Variants in VPS41 observed in about 807,000 individuals in gnomAD.
VPS41 encodes the protein vacuolar protein sorting-associated protein 41 homolog.
In VPS41, 85 loss-of-function variants were observed where a neutral mutation model predicts 130.9. That is an observed-to-expected ratio of 0.65 (90% CI 0.55 to 0.78). The LOEUF (loss-of-function observed/expected upper bound fraction) is 0.78, where lower values mean the gene tolerates loss of function less well. Ranked by LOEUF, VPS41 falls within the 30% of genes least tolerant of loss-of-function variation. VPS41 has a pLI of 0.00. For missense variants in VPS41, 874 were observed against 1,018.7 expected (o/e 0.86, Z 1.93); for synonymous variants, 335 against 332.9 (o/e 1.01, Z -0.07).
chr7:38,853,282 G>A (rs1785898640), intron 4 of VPS41, among the ~76,000 whole-genome samples: 4 of 152,104 alleles, frequency 2.6e-5, no homozygotes, highest in Admixed American at 2.6e-4. Flanking sequence ...AGCTGGGCAT[G>A]GTGGCTGGCA....
At chr7:38,735,929 G>A (rs1214755439) in intron 25 of VPS41, among the ~76,000 whole-genome samples, 1 of 152,104 alleles carries the variant, frequency 6.6e-6, no homozygotes, top group Non-Finnish European at 1.5e-5. Flanking sequence ...GCAGGGGAGG[G>A]AAGGGAGTCA....
chr7:38,887,143 C>T (rs552365438), intron 2 of VPS41, among the ~76,000 whole-genome samples: 14 of 152,278 alleles, frequency 9.2e-5, no homozygotes, highest in South Asian at 2.1e-4. Context: ...CACAACTCCT[C>T]GCCAGCAAGG....
chr7:38,782,608 G>C (rs890262767), intron 10 of VPS41, among the ~76,000 whole-genome samples: 1 of 152,138 alleles, frequency 6.6e-6, no homozygotes, highest in South Asian at 2.1e-4. Flanking sequence ...TTCACATATT[G>C]CTGTTATACA....
intron 7 of VPS41, among the ~76,000 whole-genome samples, chr7:38,805,916 GTGCTCAAA>G (rs1166985523): frequency 3.3e-5 from 5 of 152,182 alleles, no homozygotes; most frequent in African/African-American, 1.2e-4. Context: ...GCAATAATTT[GTGCTCAAA>G]CTGACAGTAA....
chr7:38,744,563 T>C (rs1211259195), intron 23 of VPS41, among the ~76,000 whole-genome samples: 1 of 152,216 alleles, frequency 6.6e-6, no homozygotes, highest in East Asian at 1.9e-4. Flanking sequence ...ATGTCCCTAA[T>C]AAGTCCTCTA....
In VPS41 at chr7:38,793,264, C is replaced by T. The variant is rs577023736; in HGVS notation, c.717+2201G>A. On this transcript the variant is annotated intron_variant, in intron 9 of 28. Coordinates refer to ENST00000310301, the MANE Select transcript of VPS41 (RefSeq NM_014396.4). ...AACACTGCCTGGCACACTGCAGGCA[C>T]CTGGTAAACGTTTGTTGGGCAAATG... Among the ~76,000 whole-genome samples, 152 of 152,276 alleles carry T rather than the reference C, an allele frequency of 1.0e-3. 2 individuals carry two copies. The South Asian group carries it at 0.03, about 31-fold the overall frequency.
In VPS41 at chr7:38,725,781, A is replaced by G; in HGVS notation, c.*465T>C. The G allele has an allele frequency of 6.4e-6, 1 of 156,350 alleles. No individual in the cohort carries two copies. The highest frequency in any genetic ancestry group is 1.4e-5 in the Non-Finnish European group (1 of 70,772). The allele number at this position is 156,350 out of a possible 1,614,324, so 9.7% of individuals were successfully genotyped here. A position where few individuals can be genotyped will look rare whatever the true frequency, so the allele number is the denominator to read the frequency against. On this transcript the variant is annotated 3_prime_UTR_variant, in exon 29 of 29. Coordinates refer to ENST00000310301, the MANE Select transcript of VPS41 (RefSeq NM_014396.4). ...ATAACCATAGTTGATGACACAGAAAAAAGCCAAACCCAGAATGCAAGAATC... is the reference window on the plus strand; with the variant it reads ...ATAACCATAGTTGATGACACAGAAAGAAGCCAAACCCAGAATGCAAGAATC...
chr7:38,811,620 C>A (rs1490487787), intron 7 of VPS41, among the ~76,000 whole-genome samples: 1 of 149,362 alleles, frequency 6.7e-6, no homozygotes, highest in African/African-American at 2.5e-5. Flanking sequence ...CACACACACA[C>A]CCCTCCATAT....
chr7:38,855,425 T>C (rs1267015254), intron 4 of VPS41, among the ~76,000 whole-genome samples: 2 of 152,102 alleles, frequency 1.3e-5, no homozygotes, highest in Admixed American at 6.6e-5. Context: ...TGATTTATAT[T>C]AGAAATAAAT....
chr7:38,849,875 T>C (rs539624623), intron 4 of VPS41, among the ~76,000 whole-genome samples: 1 of 152,076 alleles, frequency 6.6e-6, no homozygotes, highest in Non-Finnish European at 1.5e-5. Context: ...GGTGGAGCCC[T>C]AGCCAGAGAC....
At chr7:38,820,943 G>A (rs571536594) in intron 6 of VPS41, among the ~76,000 whole-genome samples, 7 of 151,182 alleles carry the variant, frequency 4.6e-5, no homozygotes, top group South Asian at 2.1e-4. Flanking sequence ...GTGTGTGTGC[G>A]TGCGTGTGTG....
At chr7:38,863,010 TG>T (rs1291413496) in intron 3 of VPS41, among the ~76,000 whole-genome samples, 1 of 152,220 alleles carries the variant, frequency 6.6e-6, no homozygotes, top group Non-Finnish European at 1.5e-5. Flanking sequence ...TTATGGCAAA[TG>T]TGTAAATCAG....
At chr7:38,821,108 A>G (rs1785162140) in intron 6 of VPS41, 95 bp downstream of exon 6, 17 of 922,204 alleles carry the variant, frequency 1.8e-5, no homozygotes. Context: ...TTACTGACAA[A>G]ATTAATACAG....
intron 10 of VPS41, among the ~76,000 whole-genome samples, chr7:38,789,404 A>G (rs1292821133): frequency 2.6e-5 from 4 of 152,102 alleles, no homozygotes; most frequent in Admixed American, 6.5e-5. Context: ...GGAAAGCAAC[A>G]CTCTAGCCAA....
intron 1 of VPS41, among the ~76,000 whole-genome samples, chr7:38,901,054 C>T (rs1584454645): frequency 6.6e-6 from 1 of 152,282 alleles, no homozygotes; most frequent in East Asian, 1.9e-4. Flanking sequence ...TTCACACTCT[C>T]ATTTAAAGAA....
chr7:38,888,513 C>T (rs1786784914), intron 2 of VPS41, among the ~76,000 whole-genome samples: 1 of 152,140 alleles, frequency 6.6e-6, no homozygotes, highest in South Asian at 2.1e-4. Context: ...CAGGAGCACC[C>T]AGATTCATAA....
At chr7:38,787,162 T>G (rs754487905) in intron 10 of VPS41, among the ~76,000 whole-genome samples, 8 of 152,158 alleles carry the variant, frequency 5.3e-5, no homozygotes, top group African/African-American at 1.7e-4. Context: ...TAAACAAAAT[T>G]CCACATGAAA....
rs147454315 is a variant in VPS41 at position 38,733,055 on chromosome 7, T to C, written c.2260-4264A>G. On this transcript the variant is annotated intron_variant, in intron 25 of 28. Transcript: ENST00000310301. ...GTTGCTCAGGCTTATCTCAAACTGC[T>C]GAGCTCAAGCCATCCGTTCACCTCA... Among the ~76,000 whole-genome samples the C allele has an allele frequency of 3.1e-3, 472 of 152,336 alleles. 2 individuals are homozygous for C. The highest frequency in any genetic ancestry group is 4.1e-3 in the Non-Finnish European group (281 of 68,034).
At chr7:38,877,990 G>A (rs1405094504) in intron 2 of VPS41, among the ~76,000 whole-genome samples, 1 of 152,082 alleles carries the variant, frequency 6.6e-6, no homozygotes, top group African/African-American at 2.4e-5. Context: ...TCTGCCCACT[G>A]TATCTCCAAT....
Sources: allele counts gnomAD v4.1 joint callset (sites outside exome capture counted in the v4.1 genomes callset), GRCh38; gene constraint gnomAD v4.1.1; transcripts MANE v1.5; gene names NCBI Gene and HGNC (gene_info 2026-07-23, HGNC 2026-07-21).